The following GRHL2 variants were observed in gnomAD, a reference collection of about 807,000 sequenced individuals.
GRHL2 encodes the protein grainyhead like transcription factor 2, also known as grainyhead-like protein 2 homolog.
A neutral mutation model predicts 83.8 loss-of-function variants in GRHL2; 21 were observed. That is an observed-to-expected ratio of 0.25 (90% CI 0.18 to 0.36). The LOEUF (loss-of-function observed/expected upper bound fraction) is 0.36. Among genes scored for constraint, GRHL2 ranks in the 10% least tolerant of loss-of-function variants. The probability of loss-of-function intolerance (pLI) is 1.00; values close to 1 mark genes in which losing one functional copy is unlikely to be tolerated. For synonymous variants in GRHL2, 280 were observed against 278.9 expected (o/e 1.00, Z -0.04); for missense variants, 623 against 781.8 (o/e 0.80, Z 2.42).
intron 7 of GRHL2, among the ~76,000 whole-genome samples, chr8:101,587,489 CCTAT>C (rs1246599524): frequency 6.6e-6 from 1 of 152,174 alleles, no homozygotes; most frequent in Non-Finnish European, 1.5e-5. Flanking sequence ...TGCTATATTT[CCTAT>C]CTGTCATTTT....
chr8:101,633,207 TAAAC>T (rs776780449), intron 11 of GRHL2, among the ~76,000 whole-genome samples: 7 of 152,328 alleles, frequency 4.6e-5, no homozygotes, highest in Non-Finnish European at 8.8e-5. Flanking sequence ...TGTTATGTGA[TAAAC>T]AAAAAATTGT....
chr8:101,549,771 C>A (rs1294767286), intron 2 of GRHL2, among the ~76,000 whole-genome samples: 1 of 152,146 alleles, frequency 6.6e-6, no homozygotes, highest in Non-Finnish European at 1.5e-5. Flanking sequence ...TTTTTATAAG[C>A]AGCCCTGGTG....
intron 1 of GRHL2, among the ~76,000 whole-genome samples, chr8:101,516,138 G>C (rs1000037477): frequency 1.8e-4 from 27 of 152,084 alleles, no homozygotes; most frequent in Admixed American, 1.6e-3. Context: ...CAGGAGGTCC[G>C]GTGCCCATTT....
chr8:101,660,104 C>T (rs1398360290), intron 14 of GRHL2, among the ~76,000 whole-genome samples: 4 of 152,152 alleles, frequency 2.6e-5, no homozygotes, highest in Non-Finnish European at 5.9e-5. Flanking sequence ...GAATCTCCCA[C>T]AATAATTGCA....
intron 5 of GRHL2, among the ~76,000 whole-genome samples, chr8:101,573,391 C>G (rs1811866140): frequency 6.6e-6 from 1 of 152,140 alleles, no homozygotes; most frequent in African/African-American, 2.4e-5. Flanking sequence ...CAGGGGTTCT[C>G]CTGGTAGAGC....
At chr8:101,559,104 A>T (rs1030090759) in intron 4 of GRHL2, among the ~76,000 whole-genome samples, 3 of 152,038 alleles carry the variant, frequency 2.0e-5, no homozygotes, top group South Asian at 2.1e-4. Context: ...AAATTAAGAG[A>T]TGTTTGTGTG....
At chr8:101,646,617 T>C (rs1446661653) in intron 13 of GRHL2, among the ~76,000 whole-genome samples, 2 of 152,254 alleles carry the variant, frequency 1.3e-5, no homozygotes, top group African/African-American at 4.8e-5. Context: ...TATTTGTTTA[T>C]TTGTTAGAAG....
intron 2 of GRHL2, 70 bp from the exon 3 acceptor site, chr8:101,552,645 G>A (rs532179232): frequency 1.6e-5 from 22 of 1,418,812 alleles, no homozygotes; most frequent in Middle Eastern, 1.8e-4. Context: ...TGCTTATGCC[G>A]GTGTCCAGCT....
intron 11 of GRHL2, among the ~76,000 whole-genome samples, chr8:101,635,171 A>C (rs918916321): frequency 2.0e-5 from 3 of 152,212 alleles, no homozygotes; most frequent in Non-Finnish European, 4.4e-5. Context: ...AAGGATTCGG[A>C]TTCCTGAGTT....
intron 1 of GRHL2, among the ~76,000 whole-genome samples, chr8:101,536,717 A>T (rs1298621276): frequency 6.6e-6 from 1 of 152,180 alleles, no homozygotes; most frequent in Non-Finnish European, 1.5e-5. Flanking sequence ...AGAACTGATG[A>T]TTAGCTTAGT....
the GRHL2 span, among the ~76,000 whole-genome samples, chr8:101,676,328 A>G: frequency 2.0e-5 from 3 of 151,858 alleles, no homozygotes; most frequent in Admixed American, 2.0e-4. Flanking sequence ...AAGGGCTAAT[A>G]TCCAGAATCT....
intron 3 of GRHL2, among the ~76,000 whole-genome samples, chr8:101,555,092 T>C (rs1811463100): frequency 6.6e-6 from 1 of 152,266 alleles, no homozygotes; most frequent in African/African-American, 2.4e-5. Context: ...TTAGAATTCC[T>C]ATGTTTTGCA....
At position 101,558,770 on chromosome 8, in the gene GRHL2, G is replaced by C; in HGVS notation, c.636G>C (p.Pro212=). The part of the protein sequence containing the change: ...AYLKDDQRST[P]DSTYSESFKD... Reference sequence around the variant, plus strand: ...TCAAAGACGACCAGCGCAGCACTCCGGACAGCACATACAGCGAGAGCTTCA... The same window carrying C: ...TCAAAGACGACCAGCGCAGCACTCCCGACAGCACATACAGCGAGAGCTTCA... The change falls in exon 4 of 16, where the codon CCG becomes CCC. Residue 212 remains proline, a synonymous_variant. Coordinates refer to ENST00000646743, the MANE Select transcript of GRHL2 (RefSeq NM_024915.4). The C allele has an allele frequency of 1.2e-6, 2 of 1,614,080 alleles. No homozygotes were observed. The highest frequency in any genetic ancestry group is 1.7e-6 in the Non-Finnish European group (2 of 1,180,020).
rs1314380932 is a variant in GRHL2, at chr8:101,669,337, G to A, written c.*2634G>A. 1 of 140,602 alleles carries A rather than the reference G, an allele frequency of 7.1e-6. No homozygotes were observed. The highest frequency in any genetic ancestry group is 2.6e-5 in the African/African-American group (1 of 38,316). The allele number at this position is 140,602 out of a possible 1,614,324, so 8.7% of individuals were successfully genotyped here. A position where few individuals can be genotyped will look rare whatever the true frequency, so the allele number is the denominator to read the frequency against. On this transcript the variant is annotated 3_prime_UTR_variant, in exon 16 of 16. Coordinates refer to ENST00000646743, the MANE Select transcript of GRHL2 (RefSeq NM_024915.4). ...TCCAAATTGTTTAAACTTACTTTAT[G>A]AGTGTTTGTTTAGAAGTTCGGACCA...
At chr8:101,499,463 A>G (rs1386203519) in intron 1 of GRHL2, among the ~76,000 whole-genome samples, 1 of 145,258 alleles carries the variant, frequency 6.9e-6, no homozygotes, top group Admixed American at 6.7e-5. Context: ...TCCCATATTA[A>G]CTTGGTGAGA....
chr8:101,495,386 G>A (rs1334241931), intron 1 of GRHL2, among the ~76,000 whole-genome samples: 2 of 152,206 alleles, frequency 1.3e-5, no homozygotes, highest in Non-Finnish European at 2.9e-5. Context: ...TTTTCAGATT[G>A]AAACGTTCTG....
intron 1 of GRHL2, among the ~76,000 whole-genome samples, chr8:101,519,024 C>T (rs1242222297): frequency 1.5e-5 from 2 of 133,784 alleles, no homozygotes; most frequent in African/African-American, 5.2e-5. Flanking sequence ...GATGTCTGCA[C>T]ACTCACATAC....
At chr8:101,630,067 G>A (rs553488539) in intron 9 of GRHL2, among the ~76,000 whole-genome samples, 1 of 152,180 alleles carries the variant, frequency 6.6e-6, no homozygotes, top group African/African-American at 2.4e-5. Context: ...ATAATTAAAT[G>A]ATCTGGTTAA....
At chr8:101,546,195 TA>T (rs2130132323) in intron 2 of GRHL2, among the ~76,000 whole-genome samples, 1 of 152,286 alleles carries the variant, frequency 6.6e-6, no homozygotes, top group African/African-American at 2.4e-5. Context: ...GAAACTTTTA[TA>T]ATGTTAAATT....
Sources: allele counts gnomAD v4.1 joint callset (sites outside exome capture counted in the v4.1 genomes callset), GRCh38; gene constraint gnomAD v4.1.1; transcripts MANE v1.5; gene names NCBI Gene and HGNC (gene_info 2026-07-23, HGNC 2026-07-21).